Variants in GMDS observed in about 807,000 individuals in gnomAD.
GMDS encodes GDP-mannose 4,6 dehydratase.
A neutral mutation model predicts 49.9 loss-of-function variants in GMDS; 20 were observed. That is an observed-to-expected ratio of 0.40 (90% confidence interval 0.28 to 0.58). The LOEUF is 0.58. Among genes scored for constraint, GMDS ranks in the 20% least tolerant of loss-of-function variants. GMDS has a pLI of 0.42. For missense variants in GMDS, 362 were observed against 481.4 expected, an observed-to-expected ratio of 0.75 and a Z score of 2.32; for synonymous variants, 177 against 178.6, an observed-to-expected ratio of 0.99 and a Z score of 0.07.
chr6:1,748,636 T>A (rs896800705), intron 7 of GMDS, among the ~76,000 whole-genome samples: 1 of 152,180 alleles, frequency 6.6e-6, no homozygotes, highest in South Asian at 2.1e-4. Context: ...GTATTTTAGG[T>A]TTGTGAACCA....
rs116594068 is a variant in GMDS, at chr6:2,037,705, G to C, written c.346-76739C>G. 3.6e-3 allele frequency among the ~76,000 whole-genome samples: 545 copies of C among 152,200 alleles called. 3 individuals carry two copies. The highest frequency in any genetic ancestry group is 0.012 in the African/African-American group (506 of 41,538). On this transcript the variant is annotated intron_variant, in intron 4 of 10. Transcript: ENST00000380815. ...AGCGCCTGGATGCTGTGAATAGAAA[G>C]AAGTGGTTGCTTGGGATTTGGTTCT...
chr6:2,036,608 G>A (rs894515702), intron 4 of GMDS, among the ~76,000 whole-genome samples: 1 of 152,132 alleles, frequency 6.6e-6, no homozygotes, highest in African/African-American at 2.4e-5. Context: ...TGGGGCTCCA[G>A]GCAAAATGCC....
intron 9 of GMDS, among the ~76,000 whole-genome samples, chr6:1,714,298 G>A (rs1451853690): frequency 6.6e-6 from 1 of 152,078 alleles, no homozygotes. Context: ...GATTACAGGC[G>A]TGAGCCACTG....
At chr6:1,935,008 G>T (rs192213782) in intron 6 of GMDS, among the ~76,000 whole-genome samples, 1 of 152,166 alleles carries the variant, frequency 6.6e-6, no homozygotes, top group Non-Finnish European at 1.5e-5. Context: ...TCTCTTCTGC[G>T]ATGAGATGAC....
intron 1 of GMDS, among the ~76,000 whole-genome samples, chr6:2,180,035 G>C (rs1778450573): frequency 1.3e-5 from 2 of 152,156 alleles, no homozygotes; most frequent in Admixed American, 1.3e-4. Context: ...GTTAACTGCA[G>C]GTGGACTGAC....
At chr6:2,242,731 T>C (rs1413519222) in intron 1 of GMDS, among the ~76,000 whole-genome samples, 2 of 152,234 alleles carry the variant, frequency 1.3e-5, no homozygotes, top group East Asian at 1.9e-4. Flanking sequence ...ACTCATTAGA[T>C]GTACGACCTC....
chr6:1,930,201 G>A lies in GMDS; in HGVS notation c.673C>T (p.Arg225Trp), dbSNP rs559780551. The change falls in exon 7 of 11, where the codon CGG becomes TGG. Residue 225 changes from arginine to tryptophan, a missense_variant. Coordinates refer to ENST00000380815, the MANE Select transcript of GMDS (RefSeq NM_001500.4). ...CCAAGGTAAATCTTAGCTACTGACC[G>A]GCTAATTTTTCGAGTAACGAAATTA... Reference protein sequence around the residue: ...GANFVTRKISRSVAKIYLGQL... With the variant: ...GANFVTRKISWSVAKIYLGQL... 12 of 1,612,304 alleles carry A rather than the reference G, an allele frequency of 7.4e-6. No individual in the cohort carries two copies. Among genetic ancestry groups the A allele is most frequent in the Admixed American group, 5.0e-5 (3 of 59,862 alleles).
At chr6:1,879,492 A>G (rs1310495564) in intron 7 of GMDS, among the ~76,000 whole-genome samples, 1 of 152,238 alleles carries the variant, frequency 6.6e-6, no homozygotes, top group Non-Finnish European at 1.5e-5. Context: ...AAACAGAATT[A>G]TAAGCCAATA....
intron 4 of GMDS, among the ~76,000 whole-genome samples, chr6:2,088,594 T>C (rs908137475): frequency 2.0e-5 from 3 of 152,230 alleles, no homozygotes; most frequent in Non-Finnish European, 4.4e-5. Flanking sequence ...TTTCTATGCA[T>C]ACTTTACTTA....
intron 1 of GMDS, among the ~76,000 whole-genome samples, chr6:2,131,473 C>G (rs549665733): frequency 6.6e-6 from 1 of 152,148 alleles, no homozygotes; most frequent in Non-Finnish European, 1.5e-5. Flanking sequence ...GATGGATCCA[C>G]CTACAATTCT....
chr6:1,856,036 C>A (rs1246236536), intron 7 of GMDS, among the ~76,000 whole-genome samples: 1 of 152,172 alleles, frequency 6.6e-6, no homozygotes, highest in Admixed American at 6.5e-5. Flanking sequence ...TTTCAACATC[C>A]TCCAGAATTT....
intron 9 of GMDS, among the ~76,000 whole-genome samples, chr6:1,680,087 C>T (rs1427594136): frequency 6.6e-6 from 1 of 152,172 alleles, no homozygotes; most frequent in Admixed American, 6.5e-5. Flanking sequence ...ACACATTAGG[C>T]TAAGTCTTGT....
At chr6:2,161,199 C>A (rs1423240833) in intron 1 of GMDS, among the ~76,000 whole-genome samples, 1 of 151,834 alleles carries the variant, frequency 6.6e-6, no homozygotes, top group Non-Finnish European at 1.5e-5. Context: ...TTAGTAGAGA[C>A]GGGATTTCAC....
chr6:2,176,477 T>C (rs140430641), intron 1 of GMDS, among the ~76,000 whole-genome samples: 2 of 152,264 alleles, frequency 1.3e-5, no homozygotes, highest in African/African-American at 2.4e-5. Flanking sequence ...CCTAACCCAG[T>C]GTCTGGTAAA....
At chr6:1,723,138 C>T (rs1014878884) in intron 9 of GMDS, among the ~76,000 whole-genome samples, 1 of 152,124 alleles carries the variant, frequency 6.6e-6, no homozygotes, top group African/African-American at 2.4e-5. Context: ...ACTACGCCCT[C>T]TATGGAACCA....
chr6:1,791,291 G>C (rs542124754), intron 7 of GMDS, among the ~76,000 whole-genome samples: 1 of 152,178 alleles, frequency 6.6e-6, no homozygotes, highest in Non-Finnish European at 1.5e-5. Context: ...CTTAAACACA[G>C]AAATTTATTT....
chr6:1,640,791 T>G lies in GMDS; in HGVS notation c.988-16251A>C, dbSNP rs566593109. ...GAAACAATCAGGTGGTTACAAGGCC[T>G]CTGATAAAAAGAAAATTGGGTAATG... On this transcript the variant is annotated intron_variant, in intron 9 of 10. Coordinates refer to ENST00000380815, the MANE Select transcript of GMDS (RefSeq NM_001500.4). The surrounding 1 kb of genome is among the most constrained non-coding windows in gnomAD (Gnocchi z 4.0). Among the ~76,000 whole-genome samples the G allele has an allele frequency of 6.6e-6, 1 of 151,524 alleles. No homozygotes were observed. Among genetic ancestry groups the G allele is most frequent in the Non-Finnish European group, 1.5e-5 (1 of 67,808 alleles).
At position 2,207,797 on chromosome 6, in the gene GMDS, G is replaced by A. The variant is rs200002808; in HGVS notation, c.102+37524C>T. 7.9e-5 allele frequency among the ~76,000 whole-genome samples: 12 copies of A among 151,990 alleles called. No homozygotes were observed. The East Asian group carries it at 2.3e-3, about 29-fold the overall frequency. On this transcript the variant is annotated intron_variant, in intron 1 of 10. Transcript: ENST00000380815. The stretch of plus-strand genomic sequence containing the variant: ...GTCCTGCCCATTTGAAGTTTCTGCA[G>A]GGAAGACTGTAAGGTTAACATGGCC...
chr6:2,060,286 G>A (rs1021559906), intron 4 of GMDS, among the ~76,000 whole-genome samples: 1 of 152,286 alleles, frequency 6.6e-6, no homozygotes, highest in African/African-American at 2.4e-5. Context: ...TCCAGAAGAG[G>A]CCTCCATGAT....
Sources: gnomAD v4.1 joint callset for allele counts (sites outside exome capture counted in the v4.1 genomes callset) on GRCh38, gnomAD v4.1.1 for gene constraint, Gnocchi (gnomAD v3.1) non-coding constraint, MANE v1.5 for transcripts, NCBI Gene and HGNC (gene_info 2026-07-23, HGNC 2026-07-21) for gene names.